The following RTN4 variants were observed in gnomAD, a reference collection of about 807,000 sequenced individuals.
RTN4 encodes reticulon-4.
Under a neutral mutation model 90.4 loss-of-function variants are expected in RTN4, and 32 were observed. The observed-to-expected ratio is 0.35, with a 90% confidence interval of 0.27 to 0.48. The LOEUF is 0.48. RTN4 is among the 20% of genes least tolerant of loss of function. The probability of loss-of-function intolerance (pLI) is 0.99; values close to 1 mark genes in which losing one functional copy is unlikely to be tolerated. For missense variants in RTN4, 1,706 were observed against 1,430.2 expected (o/e 1.19, Z -3.11); for synonymous variants, 629 against 552.5 (o/e 1.14, Z -1.94).
chr2:55,099,455 CTA>C (rs1440548130), intron 1 of RTN4, among the ~76,000 whole-genome samples: 1 of 152,036 alleles, frequency 6.6e-6, no homozygotes, highest in African/African-American at 2.4e-5. Flanking sequence ...TCCTCACTAC[CTA>C]TATGACAAAG....
At chr2:55,004,758 C>G (rs555091026) in intron 3 of RTN4, among the ~76,000 whole-genome samples, 2 of 151,734 alleles carry the variant, frequency 1.3e-5, no homozygotes, top group African/African-American at 2.4e-5. Flanking sequence ...TTTTGGCCTT[C>G]AAAAAAATTT....
At chr2:55,010,403 T>G in intron 3 of RTN4, 1 of 1,213,890 alleles carries the variant, frequency 8.2e-7, no homozygotes, top group Non-Finnish European at 1.0e-6. Flanking sequence ...TTGTTGCTCA[T>G]ACCAAATGGA....
intron 1 of RTN4, among the ~76,000 whole-genome samples, chr2:55,095,007 T>C (rs115242215): frequency 2.8e-4 from 43 of 152,206 alleles, no homozygotes; most frequent in African/African-American, 1.0e-3. Flanking sequence ...CCATACTCCA[T>C]CCACACAACA....
At chr2:54,980,731 G>A (rs532758232) in intron 5 of RTN4, among the ~76,000 whole-genome samples, 1 of 152,228 alleles carries the variant, frequency 6.6e-6, no homozygotes, top group East Asian at 1.9e-4. Flanking sequence ...ATGGTCCTTT[G>A]CTGTTTGAAG....
At chr2:55,014,843 C>G (rs1449069165) in intron 3 of RTN4, among the ~76,000 whole-genome samples, 1 of 151,974 alleles carries the variant, frequency 6.6e-6, no homozygotes, top group African/African-American at 2.4e-5. Flanking sequence ...ATTCTGAATT[C>G]AAGAATTAAT....
intron 1 of RTN4, among the ~76,000 whole-genome samples, chr2:55,110,734 A>G (rs759543519): frequency 6.6e-6 from 1 of 152,224 alleles, no homozygotes; most frequent in Non-Finnish European, 1.5e-5. Context: ...CAGGAAAAAT[A>G]CAGATTAAAA....
chr2:55,040,818 T>G lies in RTN4; in HGVS notation c.556+8927A>C, dbSNP rs1379557735. On this transcript the variant is annotated intron_variant, in intron 1 of 8. Transcript: ENST00000337526. ...AAAAAAAAAAAGGAATATATTAATT[T>G]TTTTCTTAATATTGAACTTCCAAGA... Among the ~76,000 whole-genome samples the G allele has an allele frequency of 2.6e-5, 4 of 152,176 alleles. No homozygotes were observed. The South Asian group carries it at 6.2e-4, about 24-fold the overall frequency.
intron 1 of RTN4, among the ~76,000 whole-genome samples, chr2:55,106,024 C>A (rs1315170253): frequency 6.6e-6 from 1 of 152,080 alleles, no homozygotes; most frequent in Non-Finnish European, 1.5e-5. Flanking sequence ...TATCTTATTT[C>A]TTTTCTCTTA....
At chr2:55,031,568 C>G (rs10173203) in intron 1 of RTN4, among the ~76,000 whole-genome samples, 40,847 of 152,056 alleles carry the variant, frequency 0.27, 5,681 homozygotes, top group African/African-American at 0.29. Context: ...TGGATTATAT[C>G]GAAGGTCAGA....
chr2:55,036,226 T>C (rs149712354), intron 1 of RTN4, among the ~76,000 whole-genome samples: 1 of 152,252 alleles, frequency 6.6e-6, no homozygotes, highest in Admixed American at 6.5e-5. Context: ...TAGTAGCAGA[T>C]TGAATCCAGC....
At chr2:55,106,444 C>T (rs1460268895) in intron 1 of RTN4, among the ~76,000 whole-genome samples, 2 of 152,092 alleles carry the variant, frequency 1.3e-5, no homozygotes, top group Non-Finnish European at 2.9e-5. Flanking sequence ...CAGGGCCTCA[C>T]ACAGTTGTGA....
At chr2:55,020,225 A>C (rs1016096271) in intron 3 of RTN4, among the ~76,000 whole-genome samples, 3 of 152,202 alleles carry the variant, frequency 2.0e-5, no homozygotes, top group Admixed American at 6.5e-5. Flanking sequence ...GTATGGAACC[A>C]CAAGACTCCA....
chr2:54,977,943 C>G (rs998820628), intron 5 of RTN4, among the ~76,000 whole-genome samples: 53 of 152,208 alleles, frequency 3.5e-4, no homozygotes, highest in African/African-American at 1.0e-3. Context: ...GGATACCCAT[C>G]ATTTCACACC....
At chr2:55,095,052 G>A (rs572724310) in intron 1 of RTN4, among the ~76,000 whole-genome samples, 15 of 152,188 alleles carry the variant, frequency 9.9e-5, no homozygotes, top group African/African-American at 2.7e-4. Flanking sequence ...GGCTGGGCGC[G>A]GTGGCTCACA....
Position 55,025,577 on chromosome 2 carries a change from G to A in RTN4, c.2522C>T (p.Ser841Leu), listed in dbSNP as rs771602845. 1 of 1,613,628 alleles carries A rather than the reference G, an allele frequency of 6.2e-7. No homozygotes were observed. Among genetic ancestry groups the A allele is most frequent in the South Asian group, 1.1e-5 (1 of 91,044 alleles). ...CTTAGAAATAAATAAGTCATCATTT[G>A]AATAAACTGCAGTACTGAGCTCCTC... Reference protein sequence around the residue: ...QMEELSTAVYSNDDLFISKEA... With the variant: ...QMEELSTAVYLNDDLFISKEA... The change falls in exon 3 of 9, where the codon TCA becomes TTA. Residue 841 changes from serine (S) to leucine (L), a missense_variant. Coordinates refer to ENST00000337526, the MANE Select transcript of RTN4 (RefSeq NM_020532.5).
chr2:55,057,319 G>A (rs551194152), intron 2 of RTN4, among the ~76,000 whole-genome samples: 36 of 150,860 alleles, frequency 2.4e-4, no homozygotes, highest in Non-Finnish European at 4.4e-4. Context: ...AAAATAGTAG[G>A]ATTCGGAGGC....
chr2:55,062,176 TCTGCTGAGAGCTA>T (rs1217246750), intron 2 of RTN4, among the ~76,000 whole-genome samples: 4 of 150,626 alleles, frequency 2.7e-5, no homozygotes, highest in Non-Finnish European at 5.9e-5. Flanking sequence ...GGCTCCTCCA[TCTGCTGAGAGCTA>T]CTTCCACTCA....
chr2:55,076,330 A>T lies in RTN4; in HGVS notation c.-63+4159T>A, dbSNP rs79791459. On this transcript the variant is annotated intron_variant, in intron 2 of 3. Coordinates refer to the RTN4 transcript ENST00000427710. ...ACAAATGGCCAACAAACATGAAAAA[A>T]TGCTCAACATCACTACTTGATATGG... Among the ~76,000 whole-genome samples, 38 of 152,086 alleles carry T rather than the reference A, an allele frequency of 2.5e-4. No homozygotes were observed. In the East Asian group the frequency reaches 7.1e-3, roughly 29 times the overall value.
At chr2:55,120,625 C>T in the RTN4 span, among the ~76,000 whole-genome samples, 2 of 152,086 alleles carry the variant, frequency 1.3e-5, no homozygotes, top group African/African-American at 2.4e-5. Flanking sequence ...CATTTCTATG[C>T]TTTCTCTAAC....
Sources: gnomAD v4.1 joint callset for allele counts (sites outside exome capture counted in the v4.1 genomes callset) on GRCh38, gnomAD v4.1.1 for gene constraint, MANE v1.5 for transcripts, NCBI Gene and HGNC (gene_info 2026-07-23, HGNC 2026-07-21) for gene names.